Variants in TBC1D23 observed in about 807,000 individuals in gnomAD.
TBC1D23 encodes TBC1 domain family member 23, also known as HCV non-structural protein 4A-transactivated protein 1.
A neutral mutation model predicts 91.4 loss-of-function variants in TBC1D23; 55 were observed. The observed-to-expected ratio is 0.60, with a 90% CI of 0.48 to 0.75. The LOEUF (loss-of-function observed/expected upper bound fraction) is 0.75, where lower values mean the gene tolerates loss of function less well. Ranked by LOEUF, TBC1D23 falls within the 30% of genes least tolerant of loss-of-function variation. TBC1D23 has a pLI of 0.00. For missense variants in TBC1D23, 725 were observed against 836.1 expected (o/e 0.87, Z 1.64); for synonymous variants, 289 against 281.0 (o/e 1.03, Z -0.28).
intron 17 of TBC1D23, 126 bp from the exon 18 acceptor site, chr3:100,320,651 A>T: frequency 1.9e-6 from 1 of 517,060 alleles, no homozygotes; most frequent in Non-Finnish European, 3.2e-6. Flanking sequence ...ACCTCTGTTT[A>T]TATCTTTTAA....
In TBC1D23 at chr3:100,309,616, T is replaced by TTTTTTTC. The variant is rs1401540628; in HGVS notation, c.1414-781_1414-780insCTTTTTT. Among the ~76,000 whole-genome samples, 4 of 141,404 alleles carry TTTTTTTC rather than the reference T, an allele frequency of 2.8e-5. No homozygotes were observed. The Admixed American group carries it at 3.4e-4, about 12-fold the overall frequency. 92.8% of individuals were successfully genotyped at this position (141,404 alleles called of 152,430 possible). ...AAATTTTTTATTCTACCTTCTTTTT[T>TTTTTTTC]TTTTTTTTTTTTTGAGACAGCGTCT... On this transcript the variant is annotated intron_variant, in intron 13 of 18. Transcript: ENST00000394144.
rs556050200 is a variant in TBC1D23, at chr3:100,314,550, G to A, written c.1599-1549G>A. Among the ~76,000 whole-genome samples, 21 of 152,180 alleles carry A rather than the reference G, an allele frequency of 1.4e-4. No homozygotes were observed. In the South Asian group the frequency reaches 2.3e-3, roughly 17 times the overall value. On this transcript the variant is annotated intron_variant, in intron 15 of 18. Transcript: ENST00000394144. ...TGGGAGGCTGAGGTGGGAGGATCAC[G>A]GGTCCAAGAGTTCAAGACCATTCTG...
At chr3:100,319,602 A>G (rs1705815191) in intron 17 of TBC1D23, among the ~76,000 whole-genome samples, 1 of 151,778 alleles carries the variant, frequency 6.6e-6, no homozygotes, top group Non-Finnish European at 1.5e-5. Flanking sequence ...CTAATTTTGT[A>G]TTTTTAGTAG....
chr3:100,296,819 C>G (rs1194662540), intron 8 of TBC1D23, among the ~76,000 whole-genome samples: 4 of 147,244 alleles, frequency 2.7e-5, no homozygotes, highest in Admixed American at 6.9e-5. Context: ...GAGATTGTGC[C>G]ACTGCACTCC....
At chr3:100,287,886 T>C (rs1317292039) in intron 4 of TBC1D23, among the ~76,000 whole-genome samples, 1 of 151,924 alleles carries the variant, frequency 6.6e-6, no homozygotes, top group East Asian at 1.9e-4. Context: ...CCTGAGTAGC[T>C]GGGACTACAC....
chr3:100,273,836 C>A (rs62281675), intron 1 of TBC1D23, among the ~76,000 whole-genome samples: 3 of 151,946 alleles, frequency 2.0e-5, no homozygotes, highest in African/African-American at 7.3e-5. Context: ...AAACTGGATC[C>A]CTTCTTTACA....
At chr3:100,268,626 ATCTC>A (rs546479537) in intron 1 of TBC1D23, among the ~76,000 whole-genome samples, 136 of 152,288 alleles carry the variant, frequency 8.9e-4, no homozygotes, top group African/African-American at 3.2e-3. Context: ...CATAGGTAAT[ATCTC>A]TCTCTCTTTG....
intron 5 of TBC1D23, among the ~76,000 whole-genome samples, chr3:100,294,292 ACT>A (rs2067819136): frequency 6.7e-6 from 1 of 148,358 alleles, no homozygotes; most frequent in Admixed American, 6.7e-5. Flanking sequence ...ACAGAGTCTC[ACT>A]CTGTCACCCA....
chr3:100,310,171 G>T (rs769169325), intron 13 of TBC1D23, among the ~76,000 whole-genome samples: 2 of 152,104 alleles, frequency 1.3e-5, no homozygotes, highest in Non-Finnish European at 2.9e-5. Flanking sequence ...CTCTTATAAG[G>T]ACACCAGTCA....
intron 2 of TBC1D23, among the ~76,000 whole-genome samples, chr3:100,280,397 T>C (rs188675036): frequency 2.2e-4 from 34 of 152,330 alleles, no homozygotes; most frequent in Non-Finnish European, 2.9e-4. Context: ...TTTCCCTTTG[T>C]TTTCCTCTAT....
chr3:100,275,574 C>T (rs75503688), intron 1 of TBC1D23, among the ~76,000 whole-genome samples: 2,241 of 152,232 alleles, frequency 0.015, 51 homozygotes, highest in African/African-American at 0.05. Flanking sequence ...CTGCCCCTGG[C>T]CTGGTTTGGG....
intron 1 of TBC1D23, among the ~76,000 whole-genome samples, chr3:100,275,348 A>G (rs186190915): frequency 1.1e-4 from 17 of 152,024 alleles, no homozygotes; most frequent in African/African-American, 3.6e-4. Context: ...GTGCAGTGGT[A>G]TGATCTTGGC....
chr3:100,287,377 G>A (rs772388263), intron 4 of TBC1D23, among the ~76,000 whole-genome samples: 1 of 152,306 alleles, frequency 6.6e-6, no homozygotes, highest in Admixed American at 6.5e-5. Flanking sequence ...ACAGTGCCTT[G>A]TACTTGAGAG....
chr3:100,292,849 C>T (rs536220316), intron 5 of TBC1D23, among the ~76,000 whole-genome samples: 423 of 152,324 alleles, frequency 2.8e-3, no homozygotes, highest in Non-Finnish European at 4.6e-3. Context: ...AATCCTCTCA[C>T]GCAGGCCTCC....
intron 1 of TBC1D23, among the ~76,000 whole-genome samples, chr3:100,277,396 A>G (rs1345637950): frequency 6.6e-6 from 1 of 152,230 alleles, no homozygotes; most frequent in South Asian, 2.1e-4. Flanking sequence ...TCTGGTCTTC[A>G]AAGGAGCCCT....
intron 12 of TBC1D23, 68 bp downstream of exon 12, chr3:100,304,956 G>A: frequency 2.3e-6 from 2 of 882,648 alleles, no homozygotes; most frequent in Non-Finnish European, 3.8e-6. Flanking sequence ...TATCAATAGA[G>A]TTGATCTGGA....
In TBC1D23 at chr3:100,299,200, T is replaced by C. The variant is rs766618112; in HGVS notation, c.1000-39T>C. ...ATTATGTTGTGCAATGTGAACCTCA[T>C]GGGAAATTCCTGTATGTCAAATGTT... is the stretch of plus-strand genomic sequence containing the variant. On this transcript the variant is annotated intron_variant, in intron 9 of 18. Coordinates refer to ENST00000394144, the MANE Select transcript of TBC1D23 (RefSeq NM_001199198.3). 3.6e-6 allele frequency: 5 copies of C among 1,370,362 alleles called. No homozygotes were observed. In the East Asian group the frequency reaches 1.2e-4, roughly 32 times the overall value. The allele number at this position is 1,370,362 out of a possible 1,614,324, so 84.9% of individuals were successfully genotyped here.
chr3:100,279,364 CTA>C (rs1293757962), intron 1 of TBC1D23: 8 of 247,686 alleles, frequency 3.2e-5, no homozygotes, highest in South Asian at 8.4e-5. Context: ...ACTGTTATTA[CTA>C]TGACTTCACA....
At chr3:100,310,639 C>T in intron 14 of TBC1D23, 97 bp downstream of exon 14, 8 of 924,166 alleles carry the variant, frequency 8.7e-6, no homozygotes, top group Non-Finnish European at 1.1e-5. Flanking sequence ...TAATGTGTTC[C>T]AGAAAAGGAT....
Sources: gnomAD v4.1 joint callset for allele counts (sites outside exome capture counted in the v4.1 genomes callset) on GRCh38, gnomAD v4.1.1 for gene constraint, MANE v1.5 for transcripts, NCBI Gene and HGNC (gene_info 2026-07-23, HGNC 2026-07-21) for gene names.